GPR139: variants seen among roughly 807,000 people sequenced by gnomAD.
GPR139 encodes the protein probable G protein-coupled receptor 139.
A neutral mutation model predicts 25.8 loss-of-function variants in GPR139; 12 were observed. That is an observed-to-expected ratio of 0.47 (90% CI 0.30 to 0.75). The LOEUF is 0.75. Ranked by LOEUF, GPR139 falls within the 30% of genes least tolerant of loss-of-function variation. The pLI, the probability that GPR139 is intolerant of heterozygous loss-of-function variation, is 0.07. For synonymous variants in GPR139, 184 were observed against 179.9 expected (o/e 1.02, Z -0.18); for missense variants, 380 against 450.2 (o/e 0.84, Z 1.41).
intron 1 of GPR139, among the ~76,000 whole-genome samples, chr16:20,033,691 T>C (rs2057299769): frequency 1.3e-5 from 2 of 152,188 alleles, no homozygotes; most frequent in Non-Finnish European, 2.9e-5. Flanking sequence ...GTAATCTACG[T>C]ACATGCTACA....
chr16:20,030,205 G>A lies in GPR139; in HGVS notation c.*1530C>T, dbSNP rs1023500538. On this transcript the variant is annotated 3_prime_UTR_variant, in exon 2 of 2. Coordinates refer to ENST00000570682, the MANE Select transcript of GPR139 (RefSeq NM_001002911.4). ...AAATTCCCTTAAAAAAGATAGACAT[G>A]TCTTCCAACTTAGGGACAAAATGCA... Among the ~76,000 whole-genome samples the A allele has an allele frequency of 3.3e-5, 5 of 152,158 alleles. No homozygotes were observed. Among genetic ancestry groups the A allele is most frequent in the Admixed American group, 1.3e-4 (2 of 15,284 alleles).
chr16:20,056,826 A>G (rs2057389880), intron 1 of GPR139, among the ~76,000 whole-genome samples: 1 of 152,218 alleles, frequency 6.6e-6, no homozygotes, highest in Non-Finnish European at 1.5e-5. Context: ...CTGGAAGAGG[A>G]GAAATTTTTT....
At chr16:20,053,589 A>C (rs2057379457) in intron 1 of GPR139, among the ~76,000 whole-genome samples, 1 of 152,222 alleles carries the variant, frequency 6.6e-6, no homozygotes, top group African/African-American at 2.4e-5. Context: ...AACCTCAGTG[A>C]AATTGCTTTG....
intron 1 of GPR139, among the ~76,000 whole-genome samples, chr16:20,047,109 A>T (rs1371822613): frequency 6.7e-6 from 1 of 148,486 alleles, no homozygotes; most frequent in Non-Finnish European, 1.5e-5. Flanking sequence ...CTTCTTAGGG[A>T]TTTTTTTTTT....
intron 1 of GPR139, among the ~76,000 whole-genome samples, chr16:20,055,317 A>G (rs1292701453): frequency 1.3e-5 from 2 of 152,220 alleles, no homozygotes; most frequent in Non-Finnish European, 2.9e-5. Flanking sequence ...GATTTACAAC[A>G]TTATTAATGC....
chr16:20,071,512 A>G (rs1471515412), intron 1 of GPR139, among the ~76,000 whole-genome samples: 1 of 152,208 alleles, frequency 6.6e-6, no homozygotes, highest in Non-Finnish European at 1.5e-5. Context: ...GTTAATACTT[A>G]GCATACCATA....
At chr16:20,060,232 G>C (rs1339039328) in intron 1 of GPR139, among the ~76,000 whole-genome samples, 2 of 151,740 alleles carry the variant, frequency 1.3e-5, no homozygotes, top group African/African-American at 2.4e-5. Flanking sequence ...TACACCTTTG[G>C]CTGCAGGGTG....
chr16:20,047,530 A>G (rs1377209188), intron 1 of GPR139, among the ~76,000 whole-genome samples: 1 of 152,220 alleles, frequency 6.6e-6, no homozygotes, highest in African/African-American at 2.4e-5. Flanking sequence ...GTTTGCATCC[A>G]GTGTTTCCAA....
intron 1 of GPR139, among the ~76,000 whole-genome samples, chr16:20,064,317 G>A (rs1222829738): frequency 6.6e-6 from 1 of 152,138 alleles, no homozygotes; most frequent in Non-Finnish European, 1.5e-5. Flanking sequence ...GAGGTGGGTG[G>A]ATCACTTGAG....
At chr16:20,034,240 C>T (rs550995320) in intron 1 of GPR139, among the ~76,000 whole-genome samples, 8 of 152,196 alleles carry the variant, frequency 5.3e-5, no homozygotes, top group Admixed American at 3.3e-4. Flanking sequence ...CTCTCTGTCT[C>T]TCTTCCTTTC....
At chr16:20,037,345 G>A (rs1216161172) in intron 1 of GPR139, among the ~76,000 whole-genome samples, 8 of 151,866 alleles carry the variant, frequency 5.3e-5, no homozygotes, top group Admixed American at 2.0e-4. Flanking sequence ...GCAGCTACTC[G>A]GGAGGCTGAG....
intron 1 of GPR139, among the ~76,000 whole-genome samples, chr16:20,033,463 T>A (rs1312956244): frequency 6.6e-6 from 1 of 152,162 alleles, no homozygotes. Flanking sequence ...ATCTCATGCT[T>A]TTTCTTTTGT....
chr16:20,071,850 A>G (rs1348930944), intron 1 of GPR139, among the ~76,000 whole-genome samples: 1 of 152,146 alleles, frequency 6.6e-6, no homozygotes, highest in Non-Finnish European at 1.5e-5. Flanking sequence ...TGGTTTCATT[A>G]GAAAAGCCTG....
intron 1 of GPR139, among the ~76,000 whole-genome samples, chr16:20,060,457 CTG>C (rs1245817147): frequency 6.6e-6 from 1 of 151,756 alleles, no homozygotes; most frequent in Non-Finnish European, 1.5e-5. Flanking sequence ...ATCTGTGTGT[CTG>C]TGTATGCACG....
In GPR139 at chr16:20,032,091, T is replaced by C; in HGVS notation, c.706A>G (p.Ile236Val). The C allele has an allele frequency of 6.2e-7, 1 of 1,614,060 alleles. No individual in the cohort carries two copies. Among genetic ancestry groups the C allele is most frequent in the Non-Finnish European group, 8.5e-7 (1 of 1,179,988 alleles). Reference protein sequence around the residue: ...TTAILFTITSIFATLWAPRII... With the variant: ...TTAILFTITSVFATLWAPRII... ...CGGGGGGCCCAAAGTGTGGCAAAGA[T>C]GGAGGTAATGGTGAACAAGATGGCG... Residue 236 changes from isoleucine (I) to valine (V), a missense_variant, in exon 2 of 2, where the codon ATC (isoleucine) becomes GTC (valine). Transcript: ENST00000570682.
intron 1 of GPR139, among the ~76,000 whole-genome samples, chr16:20,055,052 T>C (rs2057384285): frequency 6.6e-6 from 1 of 152,166 alleles, no homozygotes; most frequent in Admixed American, 6.5e-5. Flanking sequence ...CACCCAGGTA[T>C]TAAGCCTAGT....
intron 1 of GPR139, among the ~76,000 whole-genome samples, chr16:20,032,926 G>T (rs190259088): frequency 3.2e-4 from 48 of 151,888 alleles, no homozygotes; most frequent in African/African-American, 1.2e-3. Flanking sequence ...GTGAAACTGG[G>T]GCTCTGAGAG....
rs768327452 is a variant in GPR139, at chr16:20,031,947, G to A, written c.850C>T (p.Leu284Phe). 1 of 1,614,222 alleles carries A rather than the reference G, an allele frequency of 6.2e-7. No individual in the cohort carries two copies. The highest frequency in any genetic ancestry group is 1.7e-5 in the Admixed American group (1 of 60,032). ...AACCGCTTGCTGATGAAGCAGTAGA[G>A]GAAGAAGTTGATGGCTGTGTTCAGA... Reference protein sequence around the residue: ...ALLNTAINFFLYCFISKRFRT... With the variant: ...ALLNTAINFFFYCFISKRFRT... Residue 284 changes from leucine to phenylalanine, a missense_variant, in exon 2 of 2, where the codon CTC becomes TTC. Leu to Phe is a conservative substitution (Grantham distance 22). Transcript: ENST00000570682.
chr16:20,070,691 C>A (rs746027501), intron 1 of GPR139, among the ~76,000 whole-genome samples: 3 of 152,198 alleles, frequency 2.0e-5, no homozygotes, highest in African/African-American at 7.2e-5. Flanking sequence ...ACAACTACTG[C>A]GAGAATTTGG....
Sources: gnomAD v4.1 joint callset for allele counts (sites outside exome capture counted in the v4.1 genomes callset) on GRCh38, gnomAD v4.1.1 for gene constraint, MANE v1.5 for transcripts, NCBI Gene and HGNC (gene_info 2026-07-23, HGNC 2026-07-21) for gene names.